EPB41L3: variants seen among roughly 807,000 people sequenced by gnomAD.
The protein encoded by EPB41L3 is band 4.1-like protein 3.
In EPB41L3, 57 loss-of-function variants were observed where a neutral mutation model predicts 127.1. That is an observed-to-expected ratio of 0.45 (90% CI 0.36 to 0.56). EPB41L3 has a LOEUF of 0.56. Ranked by LOEUF, EPB41L3 falls within the 20% of genes least tolerant of loss-of-function variation. The pLI is 0.00. For synonymous variants in EPB41L3, 572 were observed against 549.5 expected (o/e 1.04, Z -0.57); for missense variants, 1,273 against 1,372.2 (o/e 0.93, Z 1.14).
At chr18:5,514,283 T>A (rs78652044) in intron 1 of EPB41L3, among the ~76,000 whole-genome samples, 1 of 152,198 alleles carries the variant, frequency 6.6e-6, no homozygotes, top group African/African-American at 2.4e-5. Flanking sequence ...GATAAAGCAA[T>A]GCAAAACGTT....
chr18:5,573,995 C>T (rs1785426), intron 3 of EPB41L3, among the ~76,000 whole-genome samples: 62,413 of 150,746 alleles, frequency 0.41, 13,431 homozygotes, highest in Non-Finnish European at 0.48. Flanking sequence ...ACTGCAACCT[C>T]CACCTCCCGG....
chr18:5,489,257 A>G, intron 1 of EPB41L3, 63 bp from the exon 2 acceptor site: 1 of 1,530,046 alleles, frequency 6.5e-7, no homozygotes, highest in Non-Finnish European at 8.7e-7. Context: ...CTGCAAGAAA[A>G]CTAGGATGCT....
At chr18:5,432,331 G>A (rs3924849) in intron 8 of EPB41L3, among the ~76,000 whole-genome samples, 86,258 of 151,932 alleles carry the variant, frequency 0.57, 28,297 homozygotes, top group Non-Finnish European at 0.73. Context: ...TAAGACACTC[G>A]TTGGCCTGGA....
At chr18:5,462,596 G>C (rs746818613) in intron 3 of EPB41L3, among the ~76,000 whole-genome samples, 6 of 152,136 alleles carry the variant, frequency 3.9e-5, no homozygotes, top group Non-Finnish European at 7.4e-5. Context: ...CTGGAACAGG[G>C]CAAAAATGGA....
At chr18:5,519,333 C>T (rs1598570657) in intron 1 of EPB41L3, among the ~76,000 whole-genome samples, 1 of 152,204 alleles carries the variant, frequency 6.6e-6, no homozygotes, top group East Asian at 1.9e-4. Flanking sequence ...CGACTATACT[C>T]CTTGTCCTTC....
At chr18:5,457,413 G>A (rs544182714) in intron 3 of EPB41L3, among the ~76,000 whole-genome samples, 218 of 151,692 alleles carry the variant, frequency 1.4e-3, no homozygotes, top group Non-Finnish European at 2.7e-3. Flanking sequence ...CTATAAACCA[G>A]CTCTCCTTGC....
At chr18:5,584,286 A>C (rs552734181) in intron 3 of EPB41L3, among the ~76,000 whole-genome samples, 1 of 152,312 alleles carries the variant, frequency 6.6e-6, no homozygotes, top group African/African-American at 2.4e-5. Context: ...CAGATCCAAC[A>C]TTCCTTGCAT....
Position 5,489,033 on chromosome 18 carries a change from C to T in EPB41L3, c.151G>A (p.Ala51Thr), listed in dbSNP as rs1352407489. 1.3e-6 allele frequency: 2 copies of T among 1,590,364 alleles called. No individual in the cohort carries two copies. The highest frequency in any genetic ancestry group is 1.1e-5 in the South Asian group (1 of 90,102). ...QQQALEQFAA[A>T]AAHSTPVRRE... ...CGCACCGGGGTGCTGTGCGCTGCAG[C>T]GGCGGCGAACTGCTCCAGGGCCTGC... The change falls in exon 2 of 23, where the codon GCT (alanine) becomes ACT (threonine). Residue 51 changes from alanine to threonine, a missense_variant. Ala to Thr is a moderately conservative substitution (Grantham distance 58, BLOSUM62 0). This residue lies in a region of EPB41L3 where 182 missense variants were observed against 149.2 expected (regional missense o/e 1.22). Coordinates refer to ENST00000341928, the MANE Select transcript of EPB41L3 (RefSeq NM_012307.5).
intron 1 of EPB41L3, among the ~76,000 whole-genome samples, chr18:5,515,705 C>T (rs2092722667): frequency 6.6e-6 from 1 of 152,262 alleles, no homozygotes; most frequent in East Asian, 1.9e-4. Context: ...AAGTGAAACA[C>T]AGTTGTAAGT....
At chr18:5,553,334 C>T (rs1044966527) in intron 3 of EPB41L3, among the ~76,000 whole-genome samples, 1 of 152,064 alleles carries the variant, frequency 6.6e-6, no homozygotes, top group Admixed American at 6.6e-5. Flanking sequence ...CCATATTTTA[C>T]AAGTGATTAA....
rs192887238 is a variant in EPB41L3, at chr18:5,507,912, C to G, written c.-11-18718G>C. ...CAGGTTGAACTCTCTCCTTGCCACT[C>G]TGTCAGAAAAATAACAGTAGCATCT... On this transcript the variant is annotated intron_variant, in intron 1 of 22. Transcript: ENST00000341928. 4.3e-3 allele frequency among the ~76,000 whole-genome samples: 649 copies of G among 152,308 alleles called. 2 individuals carry two copies. The highest frequency in any genetic ancestry group is 6.6e-3 in the Non-Finnish European group (449 of 68,022).
At chr18:5,423,665 C>G in intron 10 of EPB41L3, 112 bp from the exon 11 acceptor site, 1 of 921,232 alleles carries the variant, frequency 1.1e-6, no homozygotes, top group Non-Finnish European at 1.6e-6. Context: ...ACATTTAACG[C>G]ACAACTTGCA....
chr18:5,560,240 C>G (rs943199157), intron 3 of EPB41L3, among the ~76,000 whole-genome samples: 1 of 152,120 alleles, frequency 6.6e-6, no homozygotes, highest in Non-Finnish European at 1.5e-5. Context: ...AAAGCTAAAC[C>G]TAAAATTAGA....
At chr18:5,522,767 A>G (rs138825886) in intron 1 of EPB41L3, among the ~76,000 whole-genome samples, 4 of 152,306 alleles carry the variant, frequency 2.6e-5, no homozygotes, top group African/African-American at 4.8e-5. Context: ...AACAATGAAA[A>G]ATGATAAACC....
intron 3 of EPB41L3, among the ~76,000 whole-genome samples, chr18:5,460,464 C>T (rs2083801530): frequency 6.6e-6 from 1 of 152,124 alleles, no homozygotes; most frequent in South Asian, 2.1e-4. Flanking sequence ...TATATATATA[C>T]ACATAGATAT....
intron 2 of EPB41L3, among the ~76,000 whole-genome samples, chr18:5,484,519 TA>T (rs145804896): frequency 1.4e-3 from 204 of 146,320 alleles, no homozygotes; most frequent in Non-Finnish European, 1.6e-3. Context: ...GAAATTGAGA[TA>T]AAAAAAAAAT....
chr18:5,447,458 T>TC (rs2081645378), intron 3 of EPB41L3, among the ~76,000 whole-genome samples: 2 of 150,362 alleles, frequency 1.3e-5, no homozygotes, highest in Non-Finnish European at 3.0e-5. Context: ...CTTTTTTTTT[T>TC]TTTTTTTTTT....
At chr18:5,526,670 T>TA (rs1285575597) in intron 1 of EPB41L3, among the ~76,000 whole-genome samples, 4 of 152,056 alleles carry the variant, frequency 2.6e-5, no homozygotes, top group African/African-American at 7.2e-5. Context: ...AATTTTCAAT[T>TA]AAAAAAATAG....
intron 3 of EPB41L3, among the ~76,000 whole-genome samples, chr18:5,461,765 A>T (rs2084043271): frequency 6.6e-6 from 1 of 152,244 alleles, no homozygotes; most frequent in Admixed American, 6.5e-5. Context: ...AAATCATGAC[A>T]GCAAGTTCTA....
Sources: allele counts gnomAD v4.1 joint callset (sites outside exome capture counted in the v4.1 genomes callset), GRCh38; gene constraint gnomAD v4.1.1; regional missense constraint gnomAD v4.1.1; transcripts MANE v1.5; gene names NCBI Gene and HGNC (gene_info 2026-07-23, HGNC 2026-07-21).